The following NRXN1 variants were observed in gnomAD, a reference collection of about 807,000 sequenced individuals.
The protein encoded by NRXN1 is neurexin 1.
NRXN1 carries 39 observed loss-of-function variants against 150.9 expected under a neutral mutation model. The ratio of observed to expected loss-of-function variants is 0.26; its 90% CI spans 0.20 to 0.34. The LOEUF (loss-of-function observed/expected upper bound fraction) is 0.34. NRXN1 is among the 10% of genes least tolerant of loss of function. The probability of loss-of-function intolerance (pLI) is 1.00; values close to 1 mark genes in which losing one functional copy is unlikely to be tolerated. For missense variants in NRXN1, 1,815 were observed against 1,949.9 expected (o/e 0.93, Z 1.30); for synonymous variants, 924 against 757.0 (o/e 1.22, Z -3.62).
At chr2:50,265,382 A>G (rs145770303) in intron 17 of NRXN1, among the ~76,000 whole-genome samples, 10 of 152,228 alleles carry the variant, frequency 6.6e-5, no homozygotes, top group Non-Finnish European at 1.2e-4. Context: ...CTCTCTCTAC[A>G]TATATTATAG....
intron 5 of NRXN1, among the ~76,000 whole-genome samples, chr2:50,823,924 C>T (rs1670082487): frequency 6.6e-6 from 1 of 152,112 alleles, no homozygotes; most frequent in Admixed American, 6.6e-5. Flanking sequence ...TGACTTTCCT[C>T]TCTGTGAATG....
In NRXN1 at chr2:50,231,740, A is replaced by G. The variant is rs116485648; in HGVS notation, c.3546+5049T>C. On this transcript the variant is annotated intron_variant, in intron 18 of 22. Coordinates refer to ENST00000401669, the MANE Select transcript of NRXN1 (RefSeq NM_001330078.2). ...TATTTGTGGTAGTGAATGCATCCAG[A>G]TTTATAGTGACTTTCTTCTGTCAGA... Among the ~76,000 whole-genome samples the G allele has an allele frequency of 2.6e-3, 402 of 152,208 alleles. 2 individuals carry two copies. The highest frequency in any genetic ancestry group is 9.4e-3 in the African/African-American group (391 of 41,560).
At chr2:50,833,259 A>C (rs1164091501) in intron 5 of NRXN1, among the ~76,000 whole-genome samples, 1 of 152,212 alleles carries the variant, frequency 6.6e-6, no homozygotes, top group African/African-American at 2.4e-5. Flanking sequence ...GTTCCTCTGG[A>C]AAACAGTTTG....
At chr2:50,204,466 C>T (rs986686998) in intron 18 of NRXN1, among the ~76,000 whole-genome samples, 1 of 151,808 alleles carries the variant, frequency 6.6e-6, no homozygotes, top group African/African-American at 2.4e-5. Context: ...TCAGTTTTAG[C>T]CTTCCAAGTT....
At chr2:50,751,076 T>C (rs1428440496) in intron 5 of NRXN1, among the ~76,000 whole-genome samples, 2 of 151,928 alleles carry the variant, frequency 1.3e-5, no homozygotes, top group Non-Finnish European at 2.9e-5. Flanking sequence ...GTACCTAAAG[T>C]CTACCTGAAG....
chr2:50,550,594 A>G (rs1573506730), intron 9 of NRXN1, among the ~76,000 whole-genome samples: 1 of 151,942 alleles, frequency 6.6e-6, no homozygotes, highest in Non-Finnish European at 1.5e-5. Flanking sequence ...GATAGGCTGG[A>G]GGAAGTCAGA....
At chr2:50,276,630 A>G (rs546326823) in intron 17 of NRXN1, among the ~76,000 whole-genome samples, 1 of 152,328 alleles carries the variant, frequency 6.6e-6, no homozygotes, top group Admixed American at 6.5e-5. Context: ...AAATTTTAAA[A>G]AGAAGAGTGA....
At chr2:50,752,142 A>G (rs982818301) in intron 5 of NRXN1, among the ~76,000 whole-genome samples, 11 of 151,980 alleles carry the variant, frequency 7.2e-5, no homozygotes, top group Admixed American at 4.6e-4. Context: ...GAATGATTTT[A>G]CAAAATAGGG....
chr2:50,951,958 TA>T (rs1474984301), intron 2 of NRXN1, among the ~76,000 whole-genome samples: 151 of 103,012 alleles, frequency 1.5e-3, no homozygotes, highest in East Asian at 0.01. Context: ...TATATATATA[TA>T]TATATTTTTT....
intron 5 of NRXN1, among the ~76,000 whole-genome samples, chr2:50,662,328 C>A (rs1687415415): frequency 1.3e-5 from 2 of 151,888 alleles, no homozygotes; most frequent in Admixed American, 6.6e-5. Flanking sequence ...CAACACATAC[C>A]CCCATTAGGT....
intron 18 of NRXN1, among the ~76,000 whole-genome samples, chr2:50,107,554 C>G (rs1701842723): frequency 1.0e-5 from 1 of 98,890 alleles, no homozygotes. Flanking sequence ...TTTTTTTTAC[C>G]CAAGTACTAC....
Position 50,698,837 on chromosome 2 carries a change from G to T in NRXN1, c.833-75222C>A, listed in dbSNP as rs1693317140. On this transcript the variant is annotated intron_variant, in intron 5 of 22. Transcript: ENST00000401669. The stretch of plus-strand genomic sequence containing the variant: ...TTTTGCTATTCATTGTTTATGAAAT[G>T]TCTGTCTGTTTCTCTCTTTCTCATT... Among the ~76,000 whole-genome samples, 2 of 152,112 alleles carry T rather than the reference G, an allele frequency of 1.3e-5. 1 individual carries two copies. Among genetic ancestry groups the T allele is most frequent in the South Asian group, 4.1e-4 (2 of 4,830 alleles).
chr2:50,304,567 TA>T (rs2074441721), intron 17 of NRXN1, among the ~76,000 whole-genome samples: 2 of 152,168 alleles, frequency 1.3e-5, no homozygotes, highest in African/African-American at 4.8e-5. Context: ...AGCTGGGTAA[TA>T]TATAAACACA....
intron 18 of NRXN1, among the ~76,000 whole-genome samples, chr2:50,142,901 G>C (rs536237260): frequency 3.2e-4 from 48 of 151,958 alleles, no homozygotes; most frequent in African/African-American, 1.2e-3. Flanking sequence ...AAAGAATACA[G>C]TAAGAAGTCA....
At chr2:50,048,618 T>C (rs950566085) in intron 21 of NRXN1, among the ~76,000 whole-genome samples, 1 of 152,160 alleles carries the variant, frequency 6.6e-6, no homozygotes, top group Admixed American at 6.6e-5. Flanking sequence ...GTCCAATATA[T>C]TCAAACATTC....
At chr2:50,904,082 C>T (rs535152200) in intron 5 of NRXN1, among the ~76,000 whole-genome samples, 1 of 152,224 alleles carries the variant, frequency 6.6e-6, no homozygotes, top group African/African-American at 2.4e-5. Flanking sequence ...CAGCAGTGGT[C>T]CTCAGGTCCC....
At chr2:50,370,984 G>A (rs1473271292) in intron 17 of NRXN1, among the ~76,000 whole-genome samples, 2 of 151,824 alleles carry the variant, frequency 1.3e-5, no homozygotes, top group Non-Finnish European at 2.9e-5. Flanking sequence ...AGGAACTGCC[G>A]GTACCTATTT....
At position 50,353,826 on chromosome 2, in the gene NRXN1, G is replaced by A. The variant is rs143901347; in HGVS notation, c.3364+111616C>T. Among the ~76,000 whole-genome samples, 257 of 152,152 alleles carry A rather than the reference G, an allele frequency of 1.7e-3. 3 individuals are homozygous for A. Among genetic ancestry groups the A allele is most frequent in the East Asian group, 7.9e-3 (41 of 5,184 alleles). Reference sequence around the variant, plus strand: ...ATAGCCTCTGTTTCTCTAAATCTGTGTTGCTCAAACTTTAGTGTGCATAGA... The same window carrying A: ...ATAGCCTCTGTTTCTCTAAATCTGTATTGCTCAAACTTTAGTGTGCATAGA... On this transcript the variant is annotated intron_variant, in intron 17 of 22. Transcript: ENST00000401669.
intron 5 of NRXN1, among the ~76,000 whole-genome samples, chr2:50,634,773 T>C (rs1248485116): frequency 6.6e-6 from 1 of 152,154 alleles, no homozygotes; most frequent in East Asian, 1.9e-4. Flanking sequence ...TTCCAGTTTA[T>C]TGGGAAGGAG....
Sources: allele counts gnomAD v4.1 joint callset (sites outside exome capture counted in the v4.1 genomes callset), GRCh38; gene constraint gnomAD v4.1.1; transcripts MANE v1.5; gene names NCBI Gene and HGNC (gene_info 2026-07-23, HGNC 2026-07-21).